Variants in PLAGL1 observed in about 807,000 individuals in gnomAD.
PLAGL1 encodes zinc finger protein PLAGL1.
PLAGL1 carries 1 observed loss-of-function variant against 4.6 expected under a neutral mutation model. The ratio of observed to expected loss-of-function variants is 0.22; its 90% CI spans 0.08 to 1.03. The LOEUF is 1.03. Ranked by LOEUF, PLAGL1 falls within the 50% of genes least tolerant of loss-of-function variation. The pLI, the probability that PLAGL1 is intolerant of heterozygous loss-of-function variation, is 0.58. For missense variants in PLAGL1, 464 were observed against 570.4 expected (o/e 0.81, Z 1.90); for synonymous variants, 240 against 237.8 (o/e 1.01, Z -0.08).
At chr6:144,025,435 T>C (rs913784529) in intron 1 of PLAGL1, among the ~76,000 whole-genome samples, 5 of 152,186 alleles carry the variant, frequency 3.3e-5, no homozygotes, top group African/African-American at 7.2e-5. Flanking sequence ...AATAATAATA[T>C]GTATCACTAT....
rs1562587706 is a variant in PLAGL1, at chr6:144,027,291, G to GAAAGAAAGAA, written c.-151+37176_-151+37177insTTCTTTCTTT. ...AGAAAGAAAGAAAGAAAGAAAGAAA[G>GAAAGAAAGAA]AAAGTTATTTGATCTGAAGTACAAT... On this transcript the variant is annotated intron_variant, in intron 1 of 3. Coordinates refer to the PLAGL1 transcript ENST00000437412. The surrounding 1 kb of genome is among the most constrained non-coding windows in gnomAD (Gnocchi z 5.8). Among the ~76,000 whole-genome samples the GAAAGAAAGAA allele has an allele frequency of 1.4e-5, 2 of 147,824 alleles. No homozygotes were observed. The highest frequency in any genetic ancestry group is 3.0e-5 in the Non-Finnish European group (2 of 66,462).
In PLAGL1 at chr6:143,990,829, G is replaced by C. The variant is rs28686777; in HGVS notation, c.-583-5655C>G. On this transcript the variant is annotated intron_variant, in intron 1 of 7. Coordinates refer to ENST00000674357, the MANE Select transcript of PLAGL1 (RefSeq NM_001317162.2). This position sits in a 1 kb window ranked among gnomAD's most constrained non-coding sequence, Gnocchi z 5.4. Reference sequence around the variant, plus strand: ...TGTCATGCCGCTGCATTATATATCAGACACATTCCTTAGAATATCTCATTG... The same window carrying C: ...TGTCATGCCGCTGCATTATATATCACACACATTCCTTAGAATATCTCATTG... 6.6e-6 allele frequency among the ~76,000 whole-genome samples: 1 copy of C among 152,154 alleles called. No homozygotes were observed. Among genetic ancestry groups the C allele is most frequent in the Non-Finnish European group, 1.5e-5 (1 of 68,040 alleles).
Position 143,983,504 on chromosome 6 carries a change from C to G in PLAGL1, c.-544+1631G>C, listed in dbSNP as rs1788388284. Among the ~76,000 whole-genome samples, 1 of 152,082 alleles carries G rather than the reference C, an allele frequency of 6.6e-6. No individual in the cohort carries two copies. Among genetic ancestry groups the G allele is most frequent in the African/African-American group, 2.4e-5 (1 of 41,406 alleles). On this transcript the variant is annotated intron_variant, in intron 2 of 7. Coordinates refer to ENST00000674357, the MANE Select transcript of PLAGL1 (RefSeq NM_001317162.2). The surrounding 1 kb of genome is among the most constrained non-coding windows in gnomAD (Gnocchi z 6.6). The stretch of plus-strand genomic sequence containing the variant: ...GGAGATGGGACTAAGAATATAAGTA[C>G]AAGGGTAAGCTTTAAATTGAGCATG...
At position 144,034,728 on chromosome 6, in the gene PLAGL1, G is replaced by GA. The variant is rs924466989; in HGVS notation, c.-151+29739dup. ...GGTTTTCCCCCTAGCTTTTAAGATT[G>GA]AAAAAAAAAATCTTCCTTGGAGGGG... On this transcript the variant is annotated intron_variant, in intron 1 of 3. Coordinates refer to the PLAGL1 transcript ENST00000437412. The surrounding 1 kb of genome is among the most constrained non-coding windows in gnomAD (Gnocchi z 4.7). 1.5e-3 allele frequency among the ~76,000 whole-genome samples: 227 copies of GA among 149,442 alleles called. No individual in the cohort carries two copies. The highest frequency in any genetic ancestry group is 6.8e-3 in the Middle Eastern group (2 of 292).
In PLAGL1 at chr6:144,003,683, A is replaced by G. The variant is rs150759239; in HGVS notation, c.-584+4407T>C. 1.3e-4 allele frequency among the ~76,000 whole-genome samples: 20 copies of G among 152,172 alleles called. No homozygotes were observed. The East Asian group carries it at 3.9e-3, about 29-fold the overall frequency. On this transcript the variant is annotated intron_variant, in intron 1 of 7. Transcript: ENST00000674357. ...TTCAGGGTAGAAAATTCCTGCAAAC[A>G]TATACCCAAGAAAGATTCCCTATCC...
intron 2 of PLAGL1, among the ~76,000 whole-genome samples, chr6:143,977,718 T>G (rs962832092): frequency 3.3e-5 from 5 of 152,056 alleles, no homozygotes; most frequent in Non-Finnish European, 7.4e-5. Flanking sequence ...CAGGCTGGTC[T>G]CGAACTCCCA....
At chr6:144,009,521 A>AT (rs1378391908), upstream of PLAGL1, among the ~76,000 whole-genome samples, 1 of 152,146 alleles carries the variant, frequency 6.6e-6, no homozygotes, top group Non-Finnish European at 1.5e-5. Context: ...TGCTTTATTT[A>AT]TTTTTTTATT....
chr6:144,049,363 A>G (rs1196473932), intron 1 of PLAGL1, among the ~76,000 whole-genome samples: 1 of 152,132 alleles, frequency 6.6e-6, no homozygotes, highest in Non-Finnish European at 1.5e-5. Context: ...TTATAGCAAT[A>G]CCCCACTACC....
At chr6:144,023,581 G>A (rs1040756619) in intron 1 of PLAGL1, among the ~76,000 whole-genome samples, 1 of 152,004 alleles carries the variant, frequency 6.6e-6, no homozygotes, top group Non-Finnish European at 1.5e-5. Context: ...TTCCCGTGGG[G>A]GTACAAATTA....
chr6:144,053,900 G>T lies in PLAGL1; in HGVS notation c.-151+10568C>A, dbSNP rs1252754841. On this transcript the variant is annotated intron_variant, in intron 1 of 3. Transcript: ENST00000437412. The surrounding 1 kb of genome is among the most constrained non-coding windows in gnomAD (Gnocchi z 4.0). ...TTTAAGAAGCTGCAGGAAAGTCTTT[G>T]ATTATATTAATTATCACATGAATCC... is the stretch of plus-strand genomic sequence containing the variant. Among the ~76,000 whole-genome samples the T allele has an allele frequency of 6.6e-6, 1 of 152,156 alleles. No individual in the cohort carries two copies. The highest frequency in any genetic ancestry group is 2.1e-4 in the South Asian group (1 of 4,822).
At position 143,955,136 on chromosome 6, in the gene PLAGL1, G is replaced by C. The variant is rs1309296583; in HGVS notation, c.-325+5333C>G. ...GAAGTGAAAATCATTACTAAAACTT[G>C]AGGTGGTGGTTGTCTAGGCAGTGAC... On this transcript the variant is annotated intron_variant, in intron 6 of 7. Coordinates refer to ENST00000674357, the MANE Select transcript of PLAGL1 (RefSeq NM_001317162.2). The surrounding 1 kb of genome is among the most constrained non-coding windows in gnomAD (Gnocchi z 4.9). Among the ~76,000 whole-genome samples, 2 of 152,228 alleles carry C rather than the reference G, an allele frequency of 1.3e-5. No individual in the cohort carries two copies. The highest frequency in any genetic ancestry group is 2.9e-5 in the Non-Finnish European group (2 of 68,040).
rs1799245285 is a variant in PLAGL1, at chr6:144,059,744, T to C, written c.-151+4724A>G. ...TCACTGGCTGCATTAAGCTTTGTCT[T>C]GCCATTAATAATATTTTCCATCCCT... On this transcript the variant is annotated intron_variant, in intron 1 of 3. Coordinates refer to the PLAGL1 transcript ENST00000437412. This position sits in a 1 kb window ranked among gnomAD's most constrained non-coding sequence, Gnocchi z 4.9. Among the ~76,000 whole-genome samples the C allele has an allele frequency of 6.6e-6, 1 of 152,230 alleles. No homozygotes were observed. The highest frequency in any genetic ancestry group is 1.5e-5 in the Non-Finnish European group (1 of 68,040).
chr6:144,002,659 GA>G (rs902282750), intron 1 of PLAGL1, among the ~76,000 whole-genome samples: 84 of 147,054 alleles, frequency 5.7e-4, no homozygotes, highest in Middle Eastern at 3.5e-3. Flanking sequence ...AAAACTGGGG[GA>G]AAAAAAAAAC....
At chr6:144,060,066 T>TTTTTTTTTTTTTG (rs1562622602) in intron 1 of PLAGL1, among the ~76,000 whole-genome samples, 73 of 151,630 alleles carry the variant, frequency 4.8e-4, no homozygotes, top group African/African-American at 1.6e-3. Flanking sequence ...TTTTTTTTTT[T>TTTTTTTTTTTTTG]AAATAGGGTC....
chr6:144,010,775 G>A (rs58809454), upstream of PLAGL1, among the ~76,000 whole-genome samples: 1,269 of 152,244 alleles, frequency 8.3e-3, 70 homozygotes, highest in East Asian at 0.14. The surrounding 1 kb of genome is among the most constrained non-coding windows in gnomAD (Gnocchi z 4.1). Context: ...CAATGGAACA[G>A]AACAGAGTCC....
intron 2 of PLAGL1, among the ~76,000 whole-genome samples, chr6:143,974,368 C>CCCACAGTACTG (rs1370339683): frequency 3.3e-5 from 5 of 149,860 alleles, no homozygotes; most frequent in Admixed American, 6.7e-5. Flanking sequence ...TGCCCACAGG[C>CCCACAGTACTG]ATCAGTACTG....
At chr6:144,062,933 A>G (rs1799537250) in intron 1 of PLAGL1, among the ~76,000 whole-genome samples, 1 of 152,182 alleles carries the variant, frequency 6.6e-6, no homozygotes, top group African/African-American at 2.4e-5. Flanking sequence ...AAAATAATCT[A>G]AAGCCTTTGG....
intron 2 of PLAGL1, among the ~76,000 whole-genome samples, chr6:143,980,144 A>C (rs1226622105): frequency 6.6e-6 from 1 of 151,970 alleles, no homozygotes; most frequent in African/African-American, 2.4e-5. Flanking sequence ...ATCTGTCTTT[A>C]CTACTGGTTT....
chr6:143,981,406 T>C (rs929646844), intron 2 of PLAGL1, among the ~76,000 whole-genome samples: 11 of 152,160 alleles, frequency 7.2e-5, no homozygotes, highest in Admixed American at 7.2e-4. Flanking sequence ...TGAAGATCTC[T>C]GGAGCTCACT....
Sources: gnomAD v4.1 joint callset for allele counts (sites outside exome capture counted in the v4.1 genomes callset) on GRCh38, gnomAD v4.1.1 for gene constraint, Gnocchi (gnomAD v3.1) non-coding constraint, MANE v1.5 for transcripts, NCBI Gene and HGNC (gene_info 2026-07-23, HGNC 2026-07-21) for gene names.